FLT1: variants seen among roughly 807,000 people sequenced by gnomAD.
The protein encoded by FLT1 is vascular endothelial growth factor receptor 1.
FLT1 carries 49 observed loss-of-function variants against 156.3 expected under a neutral mutation model. The observed-to-expected ratio is 0.31, with a 90% CI of 0.25 to 0.40. The LOEUF (loss-of-function observed/expected upper bound fraction) is 0.40. Among genes scored for constraint, FLT1 ranks in the 10% least tolerant of loss-of-function variants. The probability of loss-of-function intolerance (pLI) is 1.00; values close to 1 mark genes in which losing one functional copy is unlikely to be tolerated. For missense variants in FLT1, 1,322 were observed against 1,637.2 expected, an observed-to-expected ratio of 0.81 and a Z score of 3.32; for synonymous variants, 594 against 583.8, an observed-to-expected ratio of 1.02 and a Z score of -0.25.
chr13:28,412,728 T>C (rs1876378084), intron 10 of FLT1, among the ~76,000 whole-genome samples: 2 of 140,066 alleles, frequency 1.4e-5, no homozygotes, highest in Non-Finnish European at 3.1e-5. Context: ...GCCCCTCACG[T>C]TCTTTTTTTT....
At position 28,396,953 on chromosome 13, in the gene FLT1, G is replaced by C. The variant is rs1177102499; in HGVS notation, c.1660+7C>G. 4 of 1,512,084 alleles carry C rather than the reference G, an allele frequency of 2.6e-6. No individual in the cohort carries two copies. In the South Asian group the frequency reaches 4.5e-5, roughly 17 times the overall value. The allele number at this position is 1,512,084 out of a possible 1,614,324, so 93.7% of individuals were successfully genotyped here. A position where few individuals can be genotyped will look rare whatever the true frequency, so the allele number is the denominator to read the frequency against. Reference sequence around the variant, plus strand: ...GGCTGTCTCTGGTTATAGGATGTGTGGCTTACCTGTGATATAAAAGCTTAT... The same window carrying C: ...GGCTGTCTCTGGTTATAGGATGTGTCGCTTACCTGTGATATAAAAGCTTAT... On this transcript the variant is annotated splice_region_variant and intron_variant, in intron 12 of 29. Coordinates refer to ENST00000282397, the MANE Select transcript of FLT1 (RefSeq NM_002019.4).
At position 28,442,645 on chromosome 13, in the gene FLT1, A is replaced by G. The variant is rs79859966; in HGVS notation, c.389-4300T>C. Among the ~76,000 whole-genome samples the G allele has an allele frequency of 6.0e-3, 915 of 152,174 alleles. 10 individuals are homozygous for G. The highest frequency in any genetic ancestry group is 0.021 in the African/African-American group (857 of 41,494). On this transcript the variant is annotated intron_variant, in intron 3 of 29. Transcript: ENST00000282397. ...ATGCAAAACACATTATTTGTGTGAC[A>G]GTCAAAAGTGGCATTATAAATCCAC...
intron 13 of FLT1, chr13:28,385,551 C>T: frequency 5.9e-6 from 6 of 1,012,822 alleles, no homozygotes; most frequent in Non-Finnish European, 4.7e-6. Flanking sequence ...AGGAGAATTT[C>T]TTGAACTTTG....
intron 25 of FLT1, among the ~76,000 whole-genome samples, chr13:28,315,981 G>T (rs1387351652): frequency 6.6e-6 from 1 of 152,158 alleles, no homozygotes; most frequent in Non-Finnish European, 1.5e-5. Context: ...CACCCCTCAA[G>T]GTCTCTGGGA....
chr13:28,443,164 A>C (rs1878427122), intron 3 of FLT1, among the ~76,000 whole-genome samples: 1 of 152,216 alleles, frequency 6.6e-6, no homozygotes, highest in South Asian at 2.1e-4. Flanking sequence ...CAGTGACAGG[A>C]AACTGGCATA....
intron 1 of FLT1, among the ~76,000 whole-genome samples, chr13:28,473,759 AAGGAAGGAAG>A (rs1336258218): frequency 1.0e-5 from 1 of 95,292 alleles, no homozygotes; most frequent in African/African-American, 4.1e-5. Context: ...GGAAGGAAGG[AAGGAAGGAAG>A]GAAGGAAGGA....
intron 10 of FLT1, among the ~76,000 whole-genome samples, chr13:28,408,925 T>C (rs192874558): frequency 9.8e-4 from 149 of 152,266 alleles, no homozygotes; most frequent in African/African-American, 3.4e-3. Flanking sequence ...GCTAAGAGTG[T>C]ACTCCATGTC....
chr13:28,336,895 G>A (rs961332161), intron 17 of FLT1, among the ~76,000 whole-genome samples: 22 of 151,710 alleles, frequency 1.5e-4, no homozygotes, highest in African/African-American at 4.4e-4. Context: ...CTACAGGCAC[G>A]CGCCACTACA....
chr13:28,372,572 A>G (rs553939880), intron 14 of FLT1, among the ~76,000 whole-genome samples: 2,112 of 20,530 alleles, frequency 0.1, 173 homozygotes, highest in Admixed American at 0.29. Context: ...AAATGTATAT[A>G]TATATATATA....
At chr13:28,324,773 A>G (rs553835055) in intron 20 of FLT1, among the ~76,000 whole-genome samples, 1 of 152,266 alleles carries the variant, frequency 6.6e-6, no homozygotes, top group Non-Finnish European at 1.5e-5. Flanking sequence ...CTCTCCCTGG[A>G]CAGCCTTCTT....
chr13:28,390,097 T>C lies in FLT1; in HGVS notation c.1668A>G (p.Pro556=). ...TTTCCAAGTTAACATGAAACCCATTTGGCACATCTATAAAATAAGAATAAA... is the reference window on the plus strand; with the variant it reads ...TTTCCAAGTTAACATGAAACCCATTCGGCACATCTATAAAATAAGAATAAA... ...RNISFYITDV[P]NGFHVNLEKM... The change falls in exon 13 of 30, where the codon CCA becomes CCG. Residue 556 remains proline (P), a synonymous_variant. Transcript: ENST00000282397. 3.7e-6 allele frequency: 6 copies of C among 1,613,350 alleles called. No individual in the cohort carries two copies. Among genetic ancestry groups the C allele is most frequent in the Non-Finnish European group, 5.1e-6 (6 of 1,179,264 alleles).
chr13:28,493,875 T>A (rs1881597338), intron 1 of FLT1, among the ~76,000 whole-genome samples: 1 of 152,236 alleles, frequency 6.6e-6, no homozygotes. Flanking sequence ...GCGGACCTCA[T>A]CGATTCCTCA....
At chr13:28,476,859 CA>C (rs2137646377) in intron 1 of FLT1, among the ~76,000 whole-genome samples, 1 of 152,272 alleles carries the variant, frequency 6.6e-6, no homozygotes, top group East Asian at 1.9e-4. Flanking sequence ...GGCTGTCTTA[CA>C]ATTCATATTT....
intron 25 of FLT1, among the ~76,000 whole-genome samples, chr13:28,312,731 A>G (rs1235279127): frequency 6.6e-6 from 1 of 152,070 alleles, no homozygotes; most frequent in African/African-American, 2.4e-5. Context: ...TGAAGCCCAC[A>G]GTGTGGAGTT....
intron 4 of FLT1, among the ~76,000 whole-genome samples, chr13:28,436,700 G>T (rs761570612): frequency 1.1e-4 from 17 of 152,154 alleles, no homozygotes; most frequent in Non-Finnish European, 2.4e-4. Context: ...TTGAAAACAT[G>T]ACTTGGTAAT....
chr13:28,459,490 G>A (rs943761199), intron 3 of FLT1, among the ~76,000 whole-genome samples: 9 of 150,644 alleles, frequency 6.0e-5, no homozygotes, highest in African/African-American at 2.2e-4. Context: ...GTAAGGGAGG[G>A]AAGCTCTTTG....
In FLT1 at chr13:28,357,647, C is replaced by T. The variant is rs777295392; in HGVS notation, c.2155G>A (p.Glu719Lys). 6.2e-7 allele frequency: 1 copy of T among 1,613,782 alleles called. No individual in the cohort carries two copies. The highest frequency in any genetic ancestry group is 8.5e-7 in the Non-Finnish European group (1 of 1,179,714). The change falls in exon 15 of 30, where the codon GAA becomes AAA. Residue 719 changes from glutamate to lysine, a missense_variant. Glu to Lys is a moderately conservative substitution (Grantham distance 56). Transcript: ENST00000282397. ...CCTTCATCCTCTTCTGTGACTCTTT[C>T]AATAAACAGCGTGCTGCTTCCTGGT... ...LGPGSSTLFIERVTEEDEGVY... is the reference protein window; with the variant it reads ...LGPGSSTLFIKRVTEEDEGVY...
chr13:28,410,747 C>T (rs944841594), intron 10 of FLT1, among the ~76,000 whole-genome samples: 4 of 152,206 alleles, frequency 2.6e-5, no homozygotes, highest in Non-Finnish European at 5.9e-5. Context: ...TTAGTTCTCA[C>T]AGTCACCCTA....
chr13:28,337,588 C>T (rs982026582), intron 17 of FLT1, among the ~76,000 whole-genome samples: 2 of 152,230 alleles, frequency 1.3e-5, no homozygotes, highest in African/African-American at 4.8e-5. Flanking sequence ...TTCTCTCACC[C>T]ATCAGAGACA....
Sources: gnomAD v4.1 joint callset for allele counts (sites outside exome capture counted in the v4.1 genomes callset) on GRCh38, gnomAD v4.1.1 for gene constraint, MANE v1.5 for transcripts, NCBI Gene and HGNC (gene_info 2026-07-23, HGNC 2026-07-21) for gene names.